Variants in ATP8A2 observed in about 807,000 individuals in gnomAD.
ATP8A2 encodes ATPase phospholipid transporting 8A2, also known as phospholipid-transporting ATPase IB.
A neutral mutation model predicts 165.6 loss-of-function variants in ATP8A2; 100 were observed. That is an observed-to-expected ratio of 0.60 (90% CI 0.51 to 0.71). ATP8A2 has a LOEUF of 0.71. Ranked by LOEUF, ATP8A2 falls within the 30% of genes least tolerant of loss-of-function variation. The pLI is 0.00. For synonymous variants in ATP8A2, 543 were observed against 548.8 expected (o/e 0.99, Z 0.15); for missense variants, 1,227 against 1,479.5 (o/e 0.83, Z 2.80).
At chr13:25,922,065 T>A (rs140543581) in intron 33 of ATP8A2, among the ~76,000 whole-genome samples, 2 of 152,296 alleles carry the variant, frequency 1.3e-5, no homozygotes, top group African/African-American at 4.8e-5. Flanking sequence ...GCAGGAAAAT[T>A]CTGGTGTTAA....
chr13:25,594,930 A>C (rs1470281127), intron 24 of ATP8A2, among the ~76,000 whole-genome samples: 1 of 151,170 alleles, frequency 6.6e-6, no homozygotes, highest in Admixed American at 6.6e-5. Context: ...CCTGGAACCA[A>C]CCCAAATGCC....
At chr13:25,772,676 A>G (rs2044648327) in intron 26 of ATP8A2, among the ~76,000 whole-genome samples, 2 of 151,808 alleles carry the variant, frequency 1.3e-5, no homozygotes, top group South Asian at 4.2e-4. Flanking sequence ...TTTTTTGTTT[A>G]AGTATTGTAT....
At chr13:25,910,044 G>T (rs138958845) in intron 33 of ATP8A2, among the ~76,000 whole-genome samples, 3 of 152,148 alleles carry the variant, frequency 2.0e-5, no homozygotes, top group African/African-American at 7.2e-5. Context: ...CATCTGCTGC[G>T]GGATGGTGGT....
intron 11 of ATP8A2, among the ~76,000 whole-genome samples, chr13:25,551,769 G>T (rs2038830423): frequency 6.6e-6 from 1 of 152,104 alleles, no homozygotes; most frequent in Admixed American, 6.5e-5. Flanking sequence ...GAATTACAAT[G>T]TATTTCCCAA....
intron 27 of ATP8A2, among the ~76,000 whole-genome samples, chr13:25,817,020 T>C (rs538300018): frequency 4.6e-4 from 70 of 152,194 alleles, no homozygotes; most frequent in Non-Finnish European, 9.3e-4. Context: ...CTTATACATA[T>C]TTCTGCTACC....
At chr13:25,463,002 C>T (rs922191391) in intron 1 of ATP8A2, among the ~76,000 whole-genome samples, 2 of 151,972 alleles carry the variant, frequency 1.3e-5, no homozygotes, top group Non-Finnish European at 2.9e-5. Flanking sequence ...TGACGTGGGA[C>T]GGCCTGTGTG....
intron 33 of ATP8A2, 79 bp downstream of exon 33, chr13:25,862,487 G>T: frequency 1.8e-6 from 2 of 1,100,830 alleles, no homozygotes; most frequent in Non-Finnish European, 2.8e-6. Context: ...AGCAGGCACT[G>T]TGTGTCTTAC....
chr13:25,465,581 T>G (rs918959168), intron 1 of ATP8A2, among the ~76,000 whole-genome samples: 2 of 151,266 alleles, frequency 1.3e-5, no homozygotes, highest in African/African-American at 4.9e-5. Context: ...TGTCCCAGTC[T>G]TCTTCAAACC....
intron 25 of ATP8A2, among the ~76,000 whole-genome samples, chr13:25,740,639 T>C (rs2043891723): frequency 1.3e-5 from 2 of 152,184 alleles, no homozygotes; most frequent in African/African-American, 4.8e-5. Flanking sequence ...ATGGAGTGCA[T>C]GGCCATTGTC....
At chr13:25,469,266 C>G in intron 2 of ATP8A2, 145 bp downstream of exon 2, 7 of 1,034,480 alleles carry the variant, frequency 6.8e-6, no homozygotes, top group Non-Finnish European at 8.3e-6. Context: ...CCCCACCCCA[C>G]TAGCCCGCGG....
intron 27 of ATP8A2, among the ~76,000 whole-genome samples, chr13:25,807,419 A>G (rs1950766683): frequency 6.6e-6 from 1 of 152,196 alleles, no homozygotes; most frequent in Non-Finnish European, 1.5e-5. Flanking sequence ...TAGTTGTACC[A>G]GTACCATTTA....
At chr13:25,606,843 T>C (rs2040529510) in intron 24 of ATP8A2, among the ~76,000 whole-genome samples, 1 of 152,162 alleles carries the variant, frequency 6.6e-6, no homozygotes. Flanking sequence ...CTATCAATTT[T>C]AAGTAATTTA....
intron 33 of ATP8A2, 90 bp from the exon 34 acceptor site, chr13:25,961,484 TG>T (rs1457313950): frequency 9.0e-7 from 1 of 1,106,492 alleles, no homozygotes; most frequent in Admixed American, 1.8e-5. Context: ...CTGTTGTTTT[TG>T]TGTTGTGAAA....
chr13:26,020,301 C>G lies in ATP8A2; in HGVS notation c.*316C>G. ...TTATGTTTCACCAATATTTAAACAT[C>G]AGTACTAGTTGTCCTGGGAGAAAGG... On this transcript the variant is annotated 3_prime_UTR_variant, in exon 37 of 37. Coordinates refer to ENST00000381655, the MANE Select transcript of ATP8A2 (RefSeq NM_016529.6). 1 of 329,868 alleles carries G rather than the reference C, an allele frequency of 3.0e-6. No individual in the cohort carries two copies. The highest frequency in any genetic ancestry group is 5.6e-6 in the Non-Finnish European group (1 of 178,346). 20.4% of individuals were successfully genotyped at this position (329,868 alleles called of 1,614,324 possible).
chr13:25,830,975 C>T (rs1486513539), intron 28 of ATP8A2, among the ~76,000 whole-genome samples: 2 of 152,110 alleles, frequency 1.3e-5, no homozygotes, highest in Non-Finnish European at 2.9e-5. Flanking sequence ...TTTTGCTATT[C>T]TTGCTCCAAT....
chr13:25,705,212 G>A (rs996484473), intron 25 of ATP8A2: 1 of 424,408 alleles, frequency 2.4e-6, no homozygotes, highest in Non-Finnish European at 4.7e-6. Flanking sequence ...CAGACTACCA[G>A]GGGAGAGGAC....
chr13:25,735,931 C>A (rs551473413), intron 25 of ATP8A2, among the ~76,000 whole-genome samples: 82 of 152,330 alleles, frequency 5.4e-4, no homozygotes, highest in Non-Finnish European at 8.1e-4. Flanking sequence ...TCTAGTCTTG[C>A]AAGCTCTGTT....
intron 24 of ATP8A2, among the ~76,000 whole-genome samples, chr13:25,664,688 C>T (rs936446553): frequency 1.3e-5 from 2 of 152,084 alleles, no homozygotes; most frequent in Non-Finnish European, 2.9e-5. Context: ...GTTGATCAAG[C>T]AGATATAGAA....
intron 24 of ATP8A2, among the ~76,000 whole-genome samples, chr13:25,633,373 A>G (rs2041292674): frequency 6.6e-6 from 1 of 152,132 alleles, no homozygotes; most frequent in African/African-American, 2.4e-5. Context: ...AGGACAGATA[A>G]TACACATCAC....
Sources: gnomAD v4.1 joint callset for allele counts (sites outside exome capture counted in the v4.1 genomes callset) on GRCh38, gnomAD v4.1.1 for gene constraint, MANE v1.5 for transcripts, NCBI Gene and HGNC (gene_info 2026-07-23, HGNC 2026-07-21) for gene names.